KALRN: variants seen among roughly 807,000 people sequenced by gnomAD.
The protein encoded by KALRN is kalirin.
In KALRN, 70 loss-of-function variants were observed where a neutral mutation model predicts 353.7. The observed-to-expected ratio is 0.20, with a 90% confidence interval of 0.16 to 0.24. KALRN has a LOEUF of 0.24. KALRN is among the 10% of genes least tolerant of loss of function. KALRN has a pLI of 1.00. For missense variants in KALRN, 2,791 were observed against 3,756.7 expected (o/e 0.74, Z 6.72); for synonymous variants, 1,391 against 1,434.8 (o/e 0.97, Z 0.69).
intron 33 of KALRN, among the ~76,000 whole-genome samples, chr3:124,522,292 T>G (rs2067228589): frequency 6.6e-6 from 1 of 151,916 alleles, no homozygotes; most frequent in African/African-American, 2.4e-5. Flanking sequence ...TATATACATA[T>G]GTACATATAC....
chr3:124,633,993 C>T lies in KALRN; in HGVS notation c.5568+40C>T, dbSNP rs759712188. Reference sequence around the variant, plus strand: ...CTTGCTCACTTAAAAGAGCAACGTGCCGTGCGTGATTTTGTTTTTTGTGTG... The same window carrying T: ...CTTGCTCACTTAAAAGAGCAACGTGTCGTGCGTGATTTTGTTTTTTGTGTG... On this transcript the variant is annotated intron_variant, in intron 36 of 59. Coordinates refer to ENST00000682506, the MANE Select transcript of KALRN (RefSeq NM_001388419.1). 2.6e-6 allele frequency: 4 copies of T among 1,521,352 alleles called. No individual in the cohort carries two copies. The Admixed American group carries it at 5.1e-5, about 19-fold the overall frequency. The allele number at this position is 1,521,352 out of a possible 1,614,324, so 94.2% of individuals were successfully genotyped here. A position where few individuals can be genotyped will look rare whatever the true frequency, so the allele number is the denominator to read the frequency against.
intron 34 of KALRN, among the ~76,000 whole-genome samples, chr3:124,607,736 C>T (rs1023647411): frequency 1.3e-5 from 2 of 152,060 alleles, no homozygotes; most frequent in African/African-American, 2.4e-5. Context: ...CCTGCCTCAG[C>T]CTCTCAAGTA....
intron 54 of KALRN, 136 bp downstream of exon 54, chr3:124,696,391 C>G: frequency 1.5e-6 from 1 of 653,916 alleles, no homozygotes; most frequent in Non-Finnish European, 2.4e-6. Context: ...CCACCTCAGC[C>G]TCCCGATTAG....
chr3:124,435,801 A>C (rs922273212), intron 17 of KALRN, among the ~76,000 whole-genome samples: 2 of 152,232 alleles, frequency 1.3e-5, no homozygotes, highest in African/African-American at 4.8e-5. Context: ...GTCTCAATCA[A>C]ATCCCAGCAA....
chr3:124,662,022 C>T, intron 45 of KALRN, 94 bp downstream of exon 45: 2 of 960,040 alleles, frequency 2.1e-6, no homozygotes, highest in Non-Finnish European at 3.4e-6. Context: ...TTGTGTCCTG[C>T]CTGTGCCTCC....
intron 25 of KALRN, among the ~76,000 whole-genome samples, chr3:124,465,688 CT>C (rs2060265006): frequency 6.6e-6 from 1 of 152,148 alleles, no homozygotes; most frequent in Non-Finnish European, 1.5e-5. Context: ...TCAAAGGATG[CT>C]TTTTAACCCC....
At chr3:124,315,914 C>T (rs545576063) in intron 6 of KALRN, among the ~76,000 whole-genome samples, 10 of 152,172 alleles carry the variant, frequency 6.6e-5, no homozygotes, top group African/African-American at 2.2e-4. Context: ...AGTGACAGTG[C>T]CATTTGGGGA....
chr3:124,426,682 G>C (rs1049564487), intron 15 of KALRN, among the ~76,000 whole-genome samples: 1 of 152,142 alleles, frequency 6.6e-6, no homozygotes, highest in African/African-American at 2.4e-5. Flanking sequence ...GGTGGACCTT[G>C]AAGGGAAACC....
At chr3:124,273,072 C>T (rs1227824674) in intron 5 of KALRN, among the ~76,000 whole-genome samples, 1 of 152,238 alleles carries the variant, frequency 6.6e-6, no homozygotes, top group Non-Finnish European at 1.5e-5. Context: ...GAGGTGGGCG[C>T]AGTCTCGCCC....
At chr3:124,218,786 T>C (rs577869672) in intron 1 of KALRN, among the ~76,000 whole-genome samples, 1 of 152,294 alleles carries the variant, frequency 6.6e-6, no homozygotes, top group East Asian at 1.9e-4. Context: ...TATTAAATCT[T>C]GTGAAGAATA....
At chr3:124,589,679 A>C (rs922560905) in intron 34 of KALRN, among the ~76,000 whole-genome samples, 1 of 152,196 alleles carries the variant, frequency 6.6e-6, no homozygotes, top group Non-Finnish European at 1.5e-5. Context: ...TTCATCTTCT[A>C]GGAAATGCCT....
At chr3:124,194,494 AATT>A (rs1195959652) in intron 1 of KALRN, among the ~76,000 whole-genome samples, 2 of 152,120 alleles carry the variant, frequency 1.3e-5, no homozygotes, top group Non-Finnish European at 2.9e-5. Flanking sequence ...CATGGAATGA[AATT>A]CTGTAGTCAG....
chr3:124,492,376 A>ACC, intron 31 of KALRN, among the ~76,000 whole-genome samples: 1 of 152,144 alleles, frequency 6.6e-6, no homozygotes, highest in African/African-American at 2.4e-5. Context: ...CCCAGTGCCC[A>ACC]CCAGACCTCC....
chr3:124,207,609 G>A (rs1460132175), intron 1 of KALRN, among the ~76,000 whole-genome samples: 1 of 152,156 alleles, frequency 6.6e-6, no homozygotes, highest in Non-Finnish European at 1.5e-5. Flanking sequence ...CTTTGGAATA[G>A]GATAGACCCA....
At chr3:124,158,066 C>T (rs958152469) in intron 1 of KALRN, among the ~76,000 whole-genome samples, 10 of 152,208 alleles carry the variant, frequency 6.6e-5, no homozygotes, top group Admixed American at 2.6e-4. Context: ...GACTGGTCTA[C>T]GCAGAGAGGC....
In KALRN at chr3:124,719,289, C is replaced by G. The variant is rs2063301425; in HGVS notation, c.8780C>G (p.Pro2927Arg). The G allele has an allele frequency of 6.2e-7, 1 of 1,614,032 alleles. No individual in the cohort carries two copies. The highest frequency in any genetic ancestry group is 8.5e-7 in the Non-Finnish European group (1 of 1,180,048). Residue 2927 changes from proline (P) to arginine (R), a missense_variant, in exon 60 of 60, where the codon CCC (proline) becomes CGC (arginine). Around this residue, in one of 11 missense-constraint regions of KALRN, gnomAD observed 188 missense variants for 402.9 expected, o/e 0.47. Coordinates refer to ENST00000682506, the MANE Select transcript of KALRN (RefSeq NM_001388419.1). The surrounding 1 kb of genome is among the most constrained non-coding windows in gnomAD (Gnocchi z 5.3). ...TTACAGGAAGATTTTCGGAGGCGGCCCACAGCAGCCACATGCTTGCAGCAT... is the reference window on the plus strand; with the variant it reads ...TTACAGGAAGATTTTCGGAGGCGGCGCACAGCAGCCACATGCTTGCAGCAT... ...VILQEDFRRRPTAATCLQHPW... is the reference protein window; with the variant it reads ...VILQEDFRRRRTAATCLQHPW...
intron 34 of KALRN, among the ~76,000 whole-genome samples, chr3:124,564,216 A>C (rs978706841): frequency 3.5e-5 from 5 of 144,578 alleles, no homozygotes; most frequent in Non-Finnish European, 4.5e-5. Flanking sequence ...AAAAAAAAAA[A>C]AAAAAAAAAA....
intron 8 of KALRN, among the ~76,000 whole-genome samples, chr3:124,332,939 C>T (rs1369542647): frequency 6.6e-6 from 1 of 152,078 alleles, no homozygotes; most frequent in Non-Finnish European, 1.5e-5. Context: ...CTAATAAAGA[C>T]ATACCTGAGA....
At chr3:124,214,320 T>A (rs184777324) in intron 1 of KALRN, among the ~76,000 whole-genome samples, 157 of 152,346 alleles carry the variant, frequency 1.0e-3, no homozygotes, top group Non-Finnish European at 2.0e-3. Flanking sequence ...ATTGAGTAGA[T>A]ATGGTTTATT....
Sources: gnomAD v4.1 joint callset for allele counts (sites outside exome capture counted in the v4.1 genomes callset) on GRCh38, gnomAD v4.1.1 for gene constraint, gnomAD v4.1.1 regional missense constraint, Gnocchi (gnomAD v3.1) non-coding constraint, MANE v1.5 for transcripts, NCBI Gene and HGNC (gene_info 2026-07-23, HGNC 2026-07-21) for gene names.